KIF16B: variants seen among roughly 807,000 people sequenced by gnomAD.
KIF16B encodes kinesin-like protein KIF16B.
KIF16B carries 98 observed loss-of-function variants against 156.3 expected under a neutral mutation model. The observed-to-expected ratio is 0.63, with a 90% CI of 0.53 to 0.74. KIF16B has a LOEUF of 0.74. Among genes scored for constraint, KIF16B ranks in the 30% least tolerant of loss-of-function variants. KIF16B has a pLI of 0.00. For synonymous variants in KIF16B, 564 were observed against 583.7 expected, an observed-to-expected ratio of 0.97 and a Z score of 0.49; for missense variants, 1,421 against 1,606.5, an observed-to-expected ratio of 0.88 and a Z score of 1.97.
chr20:16,419,076 G>A (rs994560472), intron 15 of KIF16B, among the ~76,000 whole-genome samples: 1 of 152,148 alleles, frequency 6.6e-6, no homozygotes, highest in Admixed American at 6.6e-5. Flanking sequence ...AGGTCTAGGT[G>A]GAGCCTGGGA....
At chr20:16,331,899 C>A (rs1044204076) in intron 24 of KIF16B, among the ~76,000 whole-genome samples, 2 of 152,044 alleles carry the variant, frequency 1.3e-5, no homozygotes, top group Non-Finnish European at 2.9e-5. Context: ...TAATAATTGA[C>A]AAATACGTAA....
intron 1 of KIF16B, among the ~76,000 whole-genome samples, chr20:16,545,812 G>C (rs1158651243): frequency 6.6e-6 from 1 of 151,960 alleles, no homozygotes; most frequent in Non-Finnish European, 1.5e-5. Flanking sequence ...GAAACACAAA[G>C]AAGTGTGTTT....
rs557250041 is a variant in KIF16B at position 16,415,330 on chromosome 20, T to G, written c.1613-8874A>C. Among the ~76,000 whole-genome samples, 28 of 152,272 alleles carry G rather than the reference T, an allele frequency of 1.8e-4. No individual in the cohort carries two copies. In the South Asian group the frequency reaches 5.8e-3, roughly 32 times the overall value. Reference sequence around the variant, plus strand: ...TTAGTAATCATCTCAATTATTTATTTCTAGGCTCATACGCACTCCACAGTG... The same window carrying G: ...TTAGTAATCATCTCAATTATTTATTGCTAGGCTCATACGCACTCCACAGTG... On this transcript the variant is annotated intron_variant, in intron 15 of 25. Coordinates refer to ENST00000354981, the MANE Select transcript of KIF16B (RefSeq NM_024704.5).
At chr20:16,391,972 G>A (rs962740022) in intron 17 of KIF16B, among the ~76,000 whole-genome samples, 4 of 152,196 alleles carry the variant, frequency 2.6e-5, no homozygotes, top group African/African-American at 4.8e-5. Context: ...ACAATGACAA[G>A]GAGTTACAGA....
intron 25 of KIF16B, among the ~76,000 whole-genome samples, chr20:16,283,621 G>C (rs1404506164): frequency 6.6e-6 from 1 of 152,188 alleles, no homozygotes; most frequent in African/African-American, 2.4e-5. Context: ...GGCAAGGTGG[G>C]TGTGACCTGA....
intron 1 of KIF16B, among the ~76,000 whole-genome samples, chr20:16,548,497 G>A (rs1214067372): frequency 2.1e-4 from 32 of 152,184 alleles, no homozygotes; most frequent in Non-Finnish European, 7.3e-5. Context: ...CCTGAGCTCC[G>A]CCTCCTGTCA....
chr20:16,293,727 G>A (rs2063344373), intron 25 of KIF16B, among the ~76,000 whole-genome samples: 1 of 152,128 alleles, frequency 6.6e-6, no homozygotes, highest in Non-Finnish European at 1.5e-5. Flanking sequence ...TCTGCAAGGA[G>A]GCTGTATTTA....
intron 1 of KIF16B, among the ~76,000 whole-genome samples, chr20:16,561,461 T>TG (rs771853217): frequency 1.7e-4 from 26 of 152,070 alleles, no homozygotes; most frequent in Non-Finnish European, 1.0e-4. Context: ...ACTAAGTCAG[T>TG]GGGAAAAAAA....
chr20:16,535,138 T>C (rs2069909070), intron 1 of KIF16B, among the ~76,000 whole-genome samples: 1 of 152,212 alleles, frequency 6.6e-6, no homozygotes, highest in African/African-American at 2.4e-5. Flanking sequence ...GCATGAGATG[T>C]CTTTCCACCT....
chr20:16,526,122 T>C lies in KIF16B; in HGVS notation c.201A>G (p.Thr67=). Residue 67 remains threonine, a synonymous_variant, in exon 3 of 26, where the codon ACA becomes ACG. Coordinates refer to ENST00000354981, the MANE Select transcript of KIF16B (RefSeq NM_024704.5). ...TYDFSFYSAD[T]KSPDYVSQEM... ...CTTGTGAAACGTAATCTGGGCTTTT[T>C]GTATCAGCAGAATAAAAAGAAAAGT... 6.2e-7 allele frequency: 1 copy of C among 1,604,282 alleles called. No individual in the cohort carries two copies. Among genetic ancestry groups the C allele is most frequent in the East Asian group, 2.2e-5 (1 of 44,678 alleles).
chr20:16,510,747 G>C (rs34894115), intron 6 of KIF16B, among the ~76,000 whole-genome samples: 1 of 152,088 alleles, frequency 6.6e-6, no homozygotes, highest in Non-Finnish European at 1.5e-5. Flanking sequence ...TTAAACCTGT[G>C]ACCAGTTCTG....
chr20:16,382,009 A>G, intron 17 of KIF16B: 1 of 978,542 alleles, frequency 1.0e-6, no homozygotes, highest in South Asian at 1.6e-5. Flanking sequence ...GTATTGAAAA[A>G]GCAGAGTTAA....
At chr20:16,385,197 C>CAAA (rs530915390) in intron 17 of KIF16B, among the ~76,000 whole-genome samples, 3 of 125,226 alleles carry the variant, frequency 2.4e-5, no homozygotes, top group Admixed American at 1.6e-4. Flanking sequence ...AACTCTGTCT[C>CAAA]AAAAAAAAAA....
chr20:16,301,526 A>G (rs1403823942), intron 25 of KIF16B, among the ~76,000 whole-genome samples: 2 of 152,194 alleles, frequency 1.3e-5, no homozygotes, highest in African/African-American at 4.8e-5. Flanking sequence ...TGGCCATTCT[A>G]TCAGGCGTAT....
chr20:16,506,768 C>T (rs1296922405), intron 7 of KIF16B, among the ~76,000 whole-genome samples: 9 of 152,086 alleles, frequency 5.9e-5, no homozygotes, highest in Non-Finnish European at 1.0e-4. Flanking sequence ...CGCCAGATTA[C>T]TATATTTTTA....
At chr20:16,376,656 CTGAAGGAACACTCCCAT>C (rs1452615046) in intron 19 of KIF16B, among the ~76,000 whole-genome samples, 1 of 152,230 alleles carries the variant, frequency 6.6e-6, no homozygotes, top group Non-Finnish European at 1.5e-5. Flanking sequence ...TACTTGGCTT[CTGAAGGAACACTCCCAT>C]TGTGTAATCA....
chr20:16,510,444 G>A (rs1440041280), intron 6 of KIF16B, among the ~76,000 whole-genome samples: 1 of 152,192 alleles, frequency 6.6e-6, no homozygotes, highest in East Asian at 1.9e-4. Flanking sequence ...GAGGTCAGGA[G>A]TTCAAGACCA....
At chr20:16,555,092 GCC>G (rs2070799966) in intron 1 of KIF16B, among the ~76,000 whole-genome samples, 1 of 152,190 alleles carries the variant, frequency 6.6e-6, no homozygotes, top group South Asian at 2.1e-4. Flanking sequence ...GGTGCCACTG[GCC>G]ACAAAGGTTT....
rs1433030629 is a variant in KIF16B at position 16,558,494 on chromosome 20, A to T, written c.47+14735T>A. Among the ~76,000 whole-genome samples, 3 of 152,358 alleles carry T rather than the reference A, an allele frequency of 2.0e-5. No homozygotes were observed. In the East Asian group the frequency reaches 5.8e-4, roughly 29 times the overall value. On this transcript the variant is annotated intron_variant, in intron 1 of 25. Coordinates refer to ENST00000354981, the MANE Select transcript of KIF16B (RefSeq NM_024704.5). ...GAAGACTGTGAGGCCCCAGAGGTAT[A>T]AAAGAGGCTCCAGGATATAGAAGAA...
Sources: gnomAD v4.1 joint callset for allele counts (sites outside exome capture counted in the v4.1 genomes callset) on GRCh38, gnomAD v4.1.1 for gene constraint, MANE v1.5 for transcripts, NCBI Gene and HGNC (gene_info 2026-07-23, HGNC 2026-07-21) for gene names.